SCAMP5: variants seen among roughly 807,000 people sequenced by gnomAD.
SCAMP5 encodes secretory carrier-associated membrane protein 5.
In SCAMP5, 7 loss-of-function variants were observed where a neutral mutation model predicts 28.3. The observed-to-expected ratio is 0.25, with a 90% CI of 0.14 to 0.46. The LOEUF (loss-of-function observed/expected upper bound fraction) is 0.46, where lower values mean the gene tolerates loss of function less well. Ranked by LOEUF, SCAMP5 falls within the 20% of genes least tolerant of loss-of-function variation. SCAMP5 has a pLI of 0.99. For missense variants in SCAMP5, 192 were observed against 312.5 expected (o/e 0.61, Z 2.91); for synonymous variants, 117 against 116.4 (o/e 1.00, Z -0.03).
At chr15:75,008,056 C>G (rs2065777331) in intron 1 of SCAMP5, among the ~76,000 whole-genome samples, 1 of 151,622 alleles carries the variant, frequency 6.6e-6, no homozygotes, top group African/African-American at 2.4e-5. Context: ...ATAGGAGAAC[C>G]CAGAATTACT....
intron 3 of SCAMP5, among the ~76,000 whole-genome samples, chr15:75,015,941 A>AG (rs1439423135): frequency 8.6e-5 from 13 of 151,834 alleles, no homozygotes; most frequent in Admixed American, 4.6e-4. Context: ...AAAAAAAAAA[A>AG]AAAAAGAAAT....
In SCAMP5 at chr15:75,018,378, C is replaced by T. The variant is rs745357453; in HGVS notation, c.396-40C>T. The stretch of plus-strand genomic sequence containing the variant: ...TCTAGCGGGGGGCTCCTGGGCACCT[C>T]TTATCCTGCCCGCAGCCCCACACTG... On this transcript the variant is annotated intron_variant, in intron 5 of 6. Transcript: ENST00000425597. The surrounding 1 kb of genome is among the most constrained non-coding windows in gnomAD (Gnocchi z 5.6). 7.4e-7 allele frequency: 1 copy of T among 1,355,870 alleles called. No individual in the cohort carries two copies. The highest frequency in any genetic ancestry group is 1.2e-5 in the South Asian group (1 of 86,002). The allele number at this position is 1,355,870 out of a possible 1,614,324, so 84.0% of individuals were successfully genotyped here.
At chr15:75,017,697 G>A (rs1387909525) in intron 4 of SCAMP5, 173 bp from the exon 5 acceptor site, 11 of 633,174 alleles carry the variant, frequency 1.7e-5, no homozygotes, top group South Asian at 1.1e-4. Context: ...GGTCTACCAC[G>A]TGGAAACTTG....
intron 3 of SCAMP5, among the ~76,000 whole-genome samples, chr15:75,013,405 G>T (rs2065831473): frequency 6.6e-6 from 1 of 152,086 alleles, no homozygotes; most frequent in Non-Finnish European, 1.5e-5. Flanking sequence ...GTCTATACCT[G>T]TAAGAGTCTA....
In SCAMP5 at chr15:75,016,535, G is replaced by T. The variant is rs1434015382; in HGVS notation, c.137-58G>T. 2.6e-6 allele frequency: 4 copies of T among 1,535,318 alleles called. No homozygotes were observed. In the African/African-American group the frequency reaches 4.1e-5, roughly 16 times the overall value. The stretch of plus-strand genomic sequence containing the variant: ...TGTGCCCATGTCCGGGTGCTCATGT[G>T]TCTCTCTATGGGCCTGGGTGTCTGT... On this transcript the variant is annotated intron_variant, in intron 3 of 6. Transcript: ENST00000425597.
Position 75,019,292 on chromosome 15 carries a change from A to T in SCAMP5, c.*309A>T. The T allele has an allele frequency of 5.4e-6, 1 of 184,740 alleles. No individual in the cohort carries two copies. The highest frequency in any genetic ancestry group is 1.1e-5 in the Non-Finnish European group (1 of 90,180). 11.4% of individuals were successfully genotyped at this position (184,740 alleles called of 1,614,324 possible). A position where few individuals can be genotyped will look rare whatever the true frequency, so the allele number is the denominator to read the frequency against. The stretch of plus-strand genomic sequence containing the variant: ...CTCTTGTGGTGCTAGATGTGTGTTT[A>T]GAGCTAAACCAGCCCCCACCCCCAC... On this transcript the variant is annotated 3_prime_UTR_variant, in exon 7 of 7. Coordinates refer to ENST00000425597, the MANE Select transcript of SCAMP5 (RefSeq NM_138967.4).
At chr15:75,009,088 T>G (rs2065787527) in intron 1 of SCAMP5, among the ~76,000 whole-genome samples, 1 of 152,222 alleles carries the variant, frequency 6.6e-6, no homozygotes, top group Non-Finnish European at 1.5e-5. Flanking sequence ...TTTTGGAGAC[T>G]TTTGCATATC....
At chr15:75,000,992 G>C (rs1004661652) in intron 1 of SCAMP5, among the ~76,000 whole-genome samples, 2 of 151,986 alleles carry the variant, frequency 1.3e-5, no homozygotes, top group African/African-American at 4.8e-5. Context: ...CGGGCGCGGT[G>C]GCTCACGCCT....
In SCAMP5 at chr15:74,996,385, G is replaced by A. The variant is rs2065654217; in HGVS notation, c.-49+712G>A. 1.3e-5 allele frequency: 2 copies of A among 152,430 alleles called. No homozygotes were observed. The highest frequency in any genetic ancestry group is 1.5e-5 in the Non-Finnish European group (1 of 68,186). 9.4% of individuals were successfully genotyped at this position (152,430 alleles called of 1,614,324 possible). A position where few individuals can be genotyped will look rare whatever the true frequency, so the allele number is the denominator to read the frequency against. ...GGAGCTCCTGGTCTGTGGGTTGGGG[G>A]AACCAAGTAGAGACTCGGACTGAGC... On this transcript the variant is annotated intron_variant, in intron 1 of 6. Transcript: ENST00000425597. The surrounding 1 kb of genome is among the most constrained non-coding windows in gnomAD (Gnocchi z 4.1).
At chr15:75,013,187 A>C (rs1242167621) in intron 3 of SCAMP5, 1 of 177,854 alleles carries the variant, frequency 5.6e-6, no homozygotes, top group Non-Finnish European at 1.2e-5. Context: ...AGGATTCTGG[A>C]TTTGGAGAGG....
At position 75,018,009 on chromosome 15, in the gene SCAMP5, G is replaced by A. The variant is rs769327766; in HGVS notation, c.395+38G>A. ...GGTGTGGCCTGGGGCTGGCAGGGGT[G>A]GCGTTGTGGGTGTATCTTTTGCTTA... On this transcript the variant is annotated intron_variant, in intron 5 of 6. Coordinates refer to ENST00000425597, the MANE Select transcript of SCAMP5 (RefSeq NM_138967.4). This position sits in a 1 kb window ranked among gnomAD's most constrained non-coding sequence, Gnocchi z 5.6. The A allele has an allele frequency of 2.3e-6, 3 of 1,305,098 alleles. No homozygotes were observed. In the Admixed American group the frequency reaches 5.1e-5, roughly 22 times the overall value. The allele number at this position is 1,305,098 out of a possible 1,614,324, so 80.8% of individuals were successfully genotyped here. A position where few individuals can be genotyped will look rare whatever the true frequency, so the allele number is the denominator to read the frequency against.
At chr15:75,013,506 C>A (rs533130808) in intron 3 of SCAMP5, among the ~76,000 whole-genome samples, 2 of 152,046 alleles carry the variant, frequency 1.3e-5, no homozygotes, top group East Asian at 3.9e-4. Context: ...TAAGACCAGC[C>A]TAGGCAACAC....
At chr15:74,999,572 C>G (rs555483894) in intron 1 of SCAMP5, among the ~76,000 whole-genome samples, 1 of 151,752 alleles carries the variant, frequency 6.6e-6, no homozygotes, top group East Asian at 1.9e-4. Flanking sequence ...CCAGCCTGGG[C>G]GACAGAGCGA....
chr15:75,013,701 G>A (rs1019681577), intron 3 of SCAMP5, among the ~76,000 whole-genome samples: 1 of 152,090 alleles, frequency 6.6e-6, no homozygotes, highest in African/African-American at 2.4e-5. Flanking sequence ...AGTGGCACAT[G>A]CCTGTAGTCC....
intron 1 of SCAMP5, among the ~76,000 whole-genome samples, chr15:74,999,496 G>C (rs2065682439): frequency 6.6e-6 from 1 of 152,158 alleles, no homozygotes; most frequent in Non-Finnish European, 1.5e-5. Flanking sequence ...GTGTGGGGGA[G>C]GTGGAACCAC....
At chr15:75,012,460 A>T (rs538016020) in intron 2 of SCAMP5, among the ~76,000 whole-genome samples, 2 of 152,194 alleles carry the variant, frequency 1.3e-5, no homozygotes, top group South Asian at 4.2e-4. Context: ...TGTCAAGGTG[A>T]CATTGTTTTT....
intron 2 of SCAMP5, among the ~76,000 whole-genome samples, 187 bp downstream of exon 2, chr15:75,012,033 C>G (rs2065816261): frequency 6.6e-6 from 1 of 152,218 alleles, no homozygotes; most frequent in South Asian, 2.1e-4. Context: ...TTGTCTAGCC[C>G]TCTGTCAGAT....
At chr15:75,017,172 A>G (rs991033638) in intron 4 of SCAMP5, among the ~76,000 whole-genome samples, 1 of 152,022 alleles carries the variant, frequency 6.6e-6, no homozygotes, top group Non-Finnish European at 1.5e-5. Flanking sequence ...GCCATGTACC[A>G]TTGACACTGT....
At chr15:75,008,591 C>T (rs1454471675) in intron 1 of SCAMP5, among the ~76,000 whole-genome samples, 3 of 151,972 alleles carry the variant, frequency 2.0e-5, no homozygotes, top group Admixed American at 6.6e-5. Flanking sequence ...CCTCCGCCTC[C>T]TGGGTTCAAG....
Sources: allele counts gnomAD v4.1 joint callset (sites outside exome capture counted in the v4.1 genomes callset), GRCh38; gene constraint gnomAD v4.1.1; non-coding constraint Gnocchi (gnomAD v3.1); transcripts MANE v1.5; gene names NCBI Gene and HGNC (gene_info 2026-07-23, HGNC 2026-07-21).